Variants in PRLR observed in about 807,000 individuals in gnomAD.
The protein encoded by PRLR is hPRL receptor.
PRLR carries 13 observed loss-of-function variants against 40.2 expected under a neutral mutation model. The observed-to-expected ratio is 0.32, with a 90% CI of 0.21 to 0.51. The LOEUF (loss-of-function observed/expected upper bound fraction) is 0.51. Among genes scored for constraint, PRLR ranks in the 20% least tolerant of loss-of-function variants. The probability of loss-of-function intolerance (pLI) is 0.97; values close to 1 mark genes in which losing one functional copy is unlikely to be tolerated. For missense variants in PRLR, 656 were observed against 747.3 expected, an observed-to-expected ratio of 0.88 and a Z score of 1.42; for synonymous variants, 269 against 278.7, an observed-to-expected ratio of 0.97 and a Z score of 0.35.
chr5:35,091,029 G>A (rs1417832937), intron 2 of PRLR, among the ~76,000 whole-genome samples: 1 of 151,732 alleles, frequency 6.6e-6, no homozygotes, highest in Non-Finnish European at 1.5e-5. Flanking sequence ...AGCCAGGATG[G>A]TCTCGCTCTC....
chr5:35,050,148 C>T (rs1768444328), intron 8 of PRLR, among the ~76,000 whole-genome samples: 1 of 152,182 alleles, frequency 6.6e-6, no homozygotes, highest in Non-Finnish European at 1.5e-5. Context: ...ATCCGCCCGC[C>T]TTGGCCTCCC....
chr5:35,222,737 T>C (rs891347108), intron 1 of PRLR, among the ~76,000 whole-genome samples: 16 of 152,166 alleles, frequency 1.1e-4, no homozygotes, highest in African/African-American at 3.9e-4. Flanking sequence ...TAATAAGGTA[T>C]GTGGAATTCA....
intron 1 of PRLR, among the ~76,000 whole-genome samples, chr5:35,119,128 A>G (rs923157757): frequency 6.6e-6 from 1 of 152,168 alleles, no homozygotes; most frequent in African/African-American, 2.4e-5. Context: ...TTCGATATAT[A>G]TGAACAGCAA....
In PRLR at chr5:35,061,329, C is replaced by A. The variant is rs1769028229; in HGVS notation, c.*3760G>T. 1 of 152,162 alleles carries A rather than the reference C, an allele frequency of 6.6e-6. No individual in the cohort carries two copies. Among genetic ancestry groups the A allele is most frequent in the Admixed American group, 6.5e-5 (1 of 15,268 alleles). 9.4% of individuals were successfully genotyped at this position (152,162 alleles called of 1,614,324 possible). On this transcript the variant is annotated 3_prime_UTR_variant, in exon 10 of 10. Coordinates refer to ENST00000618457, the MANE Select transcript of PRLR (RefSeq NM_000949.7). ...TGCAAATGATGGGCAGTGGTGGACACTTGAGGAAAGAGAAAGCCAGAGTTT... is the reference window on the plus strand; with the variant it reads ...TGCAAATGATGGGCAGTGGTGGACAATTGAGGAAAGAGAAAGCCAGAGTTT...
At chr5:35,156,135 A>C (rs1241353095) in intron 1 of PRLR, among the ~76,000 whole-genome samples, 1 of 149,868 alleles carries the variant, frequency 6.7e-6, no homozygotes, top group Non-Finnish European at 1.5e-5. Flanking sequence ...GATAAAAAAA[A>C]AAAACAAAAA....
intron 1 of PRLR, among the ~76,000 whole-genome samples, chr5:35,150,910 C>T (rs144567794): frequency 3.3e-5 from 5 of 152,116 alleles, no homozygotes; most frequent in African/African-American, 1.2e-4. Context: ...CAGCTGCATT[C>T]CCTCCAGGAA....
At chr5:35,123,072 G>T (rs1773343901) in intron 1 of PRLR, among the ~76,000 whole-genome samples, 1 of 152,190 alleles carries the variant, frequency 6.6e-6, no homozygotes, top group African/African-American at 2.4e-5. Context: ...TTTGTGTCTT[G>T]ATGGGTGCCA....
chr5:35,222,388 T>C (rs1342946680), intron 1 of PRLR, among the ~76,000 whole-genome samples: 10 of 151,876 alleles, frequency 6.6e-5, no homozygotes, highest in Admixed American at 6.6e-4. Flanking sequence ...ATCCTTTCAG[T>C]GAACAAGAGC....
chr5:35,050,190 C>A (rs145127368), intron 8 of PRLR, among the ~76,000 whole-genome samples: 1 of 152,148 alleles, frequency 6.6e-6, no homozygotes, highest in Non-Finnish European at 1.5e-5. Context: ...TGAGCCACTG[C>A]GCCCGGCCGG....
chr5:35,227,915 C>T lies in PRLR; in HGVS notation c.-106+2353G>A, dbSNP rs115761211. Among the ~76,000 whole-genome samples the T allele has an allele frequency of 1.9e-3, 289 of 152,296 alleles. 2 individuals are homozygous for T. The highest frequency in any genetic ancestry group is 6.7e-3 in the African/African-American group (279 of 41,556). On this transcript the variant is annotated intron_variant, in intron 1 of 9. Coordinates refer to ENST00000618457, the MANE Select transcript of PRLR (RefSeq NM_000949.7). ...GTCAAAAGAGAACTGAGAGACAGGTCAAGTATCCACGCCGGTCTGGACATA... is the reference window on the plus strand; with the variant it reads ...GTCAAAAGAGAACTGAGAGACAGGTTAAGTATCCACGCCGGTCTGGACATA...
chr5:35,147,770 C>T (rs1774221000), intron 1 of PRLR, among the ~76,000 whole-genome samples: 1 of 151,962 alleles, frequency 6.6e-6, no homozygotes, highest in South Asian at 2.1e-4. Context: ...TTCTAGTGCT[C>T]AAGAAGCATA....
chr5:35,202,800 A>G (rs572487013), intron 1 of PRLR, among the ~76,000 whole-genome samples: 57 of 152,358 alleles, frequency 3.7e-4, no homozygotes, highest in South Asian at 2.3e-3. Context: ...CTTTATTGCC[A>G]GTAATATAAT....
At chr5:35,141,236 GA>G (rs368097359) in intron 1 of PRLR, among the ~76,000 whole-genome samples, 2,444 of 141,368 alleles carry the variant, frequency 0.017, 59 homozygotes, top group African/African-American at 0.05. Context: ...CTTAATACCT[GA>G]AAAAAAAAAA....
chr5:35,196,025 C>A (rs1342742843), intron 1 of PRLR, among the ~76,000 whole-genome samples: 1 of 33,980 alleles, frequency 2.9e-5, no homozygotes, highest in Non-Finnish European at 6.7e-5. Flanking sequence ...TATGAAATAT[C>A]GGCTCTCCCT....
At chr5:35,092,500 C>T (rs1771273678) in intron 2 of PRLR, among the ~76,000 whole-genome samples, 1 of 152,186 alleles carries the variant, frequency 6.6e-6, no homozygotes, top group South Asian at 2.1e-4. Flanking sequence ...TGTTTATCCA[C>T]CGACCTTTTT....
At chr5:35,195,336 G>A (rs545010631) in intron 1 of PRLR, 21 of 152,382 alleles carry the variant, frequency 1.4e-4, no homozygotes, top group African/African-American at 3.9e-4. Context: ...GAATTCCTAC[G>A]GTCTCAAATG....
intron 1 of PRLR, among the ~76,000 whole-genome samples, chr5:35,144,259 A>G (rs866722529): frequency 3.9e-5 from 6 of 152,270 alleles, no homozygotes; most frequent in African/African-American, 1.4e-4. Flanking sequence ...ATATTTGTAA[A>G]TGAACAAATG....
At chr5:35,151,403 GT>G (rs1774337765) in intron 1 of PRLR, among the ~76,000 whole-genome samples, 1 of 152,282 alleles carries the variant, frequency 6.6e-6, no homozygotes, top group African/African-American at 2.4e-5. Context: ...ATAAACCCTT[GT>G]TGTAAGTCAA....
chr5:35,206,930 T>A (rs1776035026), intron 1 of PRLR, among the ~76,000 whole-genome samples: 1 of 152,126 alleles, frequency 6.6e-6, no homozygotes, highest in African/African-American at 2.4e-5. Context: ...GTCAAATACA[T>A]TTTAGAAATA....
Sources: allele counts gnomAD v4.1 joint callset (sites outside exome capture counted in the v4.1 genomes callset), GRCh38; gene constraint gnomAD v4.1.1; transcripts MANE v1.5; gene names NCBI Gene and HGNC (gene_info 2026-07-23, HGNC 2026-07-21).